NHSL1: variants seen among roughly 807,000 people sequenced by gnomAD.
The protein encoded by NHSL1 is NHS-like protein 1.
NHSL1 carries 48 observed loss-of-function variants against 95.0 expected under a neutral mutation model. The observed-to-expected ratio is 0.51, with a 90% CI of 0.40 to 0.64. The LOEUF is 0.64. Among genes scored for constraint, NHSL1 ranks in the 30% least tolerant of loss-of-function variants. NHSL1 has a pLI of 0.00. For missense variants in NHSL1, 1,971 were observed against 2,077.7 expected, an observed-to-expected ratio of 0.95 and a Z score of 1.00; for synonymous variants, 783 against 833.9, an observed-to-expected ratio of 0.94 and a Z score of 1.05.
chr6:138,579,231 T>G (rs896438176), intron 1 of NHSL1, among the ~76,000 whole-genome samples: 2 of 152,236 alleles, frequency 1.3e-5, no homozygotes, highest in East Asian at 3.8e-4. Flanking sequence ...TGGGGACCCC[T>G]GCCTTATAAT....
chr6:138,571,141 G>A (rs908756119), intron 1 of NHSL1, among the ~76,000 whole-genome samples: 6 of 151,820 alleles, frequency 4.0e-5, no homozygotes, highest in African/African-American at 1.5e-4. Context: ...GTTAAAAGAA[G>A]GAAAGGAGAA....
rs1562250626 is a variant in NHSL1 at position 138,424,967 on chromosome 6, C to T, written c.4086-151G>A. 6.6e-6 allele frequency among the ~76,000 whole-genome samples: 1 copy of T among 152,088 alleles called. No homozygotes were observed. Among genetic ancestry groups the T allele is most frequent in the Non-Finnish European group, 1.5e-5 (1 of 68,024 alleles). On this transcript the variant is annotated intron_variant, in intron 7 of 7. Transcript: ENST00000343505. The surrounding 1 kb of genome is among the most constrained non-coding windows in gnomAD (Gnocchi z 5.9). The stretch of plus-strand genomic sequence containing the variant: ...ATTTTTGACTGGGCACAGTGGCTCA[C>T]ACCTGTAATCCCAGCATTTTGGGAG...
chr6:138,649,192 C>T (rs537165418), intron 1 of NHSL1, among the ~76,000 whole-genome samples: 2 of 152,184 alleles, frequency 1.3e-5, no homozygotes, highest in South Asian at 2.1e-4. Flanking sequence ...AACCTTTCAT[C>T]CAGAACCTCT....
intron 7 of NHSL1, among the ~76,000 whole-genome samples, chr6:138,426,024 A>G (rs1242668622): frequency 6.6e-6 from 1 of 152,200 alleles, no homozygotes; most frequent in Non-Finnish European, 1.5e-5. Context: ...TCACTGTTCA[A>G]TGTGCTTTCC....
At chr6:138,564,201 T>A (rs1391141670) in intron 1 of NHSL1, among the ~76,000 whole-genome samples, 1 of 152,066 alleles carries the variant, frequency 6.6e-6, no homozygotes, top group African/African-American at 2.4e-5. Context: ...AAGTCCAGAG[T>A]TGAGAGCACT....
In NHSL1 at chr6:138,464,715, C is replaced by CTTT. The variant is rs1157342436; in HGVS notation, c.339+8588_339+8590dup. 3.4e-4 allele frequency among the ~76,000 whole-genome samples: 41 copies of CTTT among 118,962 alleles called. 1 individual carries two copies. Among genetic ancestry groups the CTTT allele is most frequent in the African/African-American group, 8.3e-4 (24 of 28,838 alleles). The allele number at this position is 118,962 out of a possible 152,430, so 78.0% of individuals were successfully genotyped here. On this transcript the variant is annotated intron_variant, in intron 3 of 7. Coordinates refer to ENST00000343505, the MANE Select transcript of NHSL1 (RefSeq NM_001144060.2). ...TTCTCTTCACTTTTTTTTTTCTTTT[C>CTTT]TTTTTTTTTTTTTTTGAGACAGAGT...
intron 1 of NHSL1, among the ~76,000 whole-genome samples, chr6:138,667,776 C>G (rs959921127): frequency 6.6e-6 from 1 of 152,224 alleles, no homozygotes; most frequent in Non-Finnish European, 1.5e-5. Context: ...TATTTTCTCA[C>G]TAACATTAAT....
In NHSL1 at chr6:138,453,236, A is replaced by G. The variant is rs951164972; in HGVS notation, c.340-6043T>C. Among the ~76,000 whole-genome samples the G allele has an allele frequency of 2.0e-5, 3 of 152,100 alleles. No homozygotes were observed. In the East Asian group the frequency reaches 5.8e-4, roughly 29 times the overall value. On this transcript the variant is annotated intron_variant, in intron 3 of 7. Transcript: ENST00000343505. ...GTAATCCGCCCGCCTCAGCCTCCAA[A>G]GTGTTGGGATTACAAGCGTGAGCCA...
At chr6:138,428,419 G>C (rs1324201179) in intron 7 of NHSL1, among the ~76,000 whole-genome samples, 2 of 152,174 alleles carry the variant, frequency 1.3e-5, no homozygotes, top group Admixed American at 1.3e-4. Flanking sequence ...AGTTTCAAAG[G>C]ATGCATCATT....
intron 1 of NHSL1, among the ~76,000 whole-genome samples, chr6:138,600,250 T>C (rs1415158778): frequency 2.0e-5 from 3 of 152,246 alleles, no homozygotes; most frequent in African/African-American, 7.2e-5. Context: ...TCTTTTCTTT[T>C]CGAGACCAGT....
intron 1 of NHSL1, among the ~76,000 whole-genome samples, chr6:138,630,471 C>T (rs985837966): frequency 2.6e-5 from 4 of 152,066 alleles, no homozygotes; most frequent in South Asian, 2.1e-4. Flanking sequence ...CCGCAACCTC[C>T]GCCTCCCTGA....
chr6:138,557,711 T>C (rs1783245653), intron 1 of NHSL1, among the ~76,000 whole-genome samples: 1 of 152,126 alleles, frequency 6.6e-6, no homozygotes. Flanking sequence ...TCATGAAGAG[T>C]GTGGGACTAA....
intron 7 of NHSL1, among the ~76,000 whole-genome samples, chr6:138,428,122 C>A (rs899837778): frequency 1.3e-5 from 2 of 152,172 alleles, no homozygotes; most frequent in Non-Finnish European, 2.9e-5. Context: ...TTTGGACCCA[C>A]AACAGTTGGG....
At chr6:138,447,281 G>A in intron 3 of NHSL1, 88 bp from the exon 4 acceptor site, 1 of 1,177,324 alleles carries the variant, frequency 8.5e-7, no homozygotes, top group Admixed American at 2.7e-5. Flanking sequence ...AAAAAAATTG[G>A]ACTGGTTTAA....
chr6:138,506,843 T>C (rs946174383), intron 1 of NHSL1, among the ~76,000 whole-genome samples: 7 of 152,216 alleles, frequency 4.6e-5, no homozygotes, highest in African/African-American at 1.7e-4. Flanking sequence ...CTTTATTTGA[T>C]ATGGCAGATT....
chr6:138,625,585 A>G (rs1784726008), intron 1 of NHSL1, among the ~76,000 whole-genome samples: 1 of 151,640 alleles, frequency 6.6e-6, no homozygotes, highest in Admixed American at 6.6e-5. Context: ...GAAGAATAGT[A>G]TAGTGCCATG....
At chr6:138,683,126 A>G (rs1785535037) in intron 1 of NHSL1, among the ~76,000 whole-genome samples, 1 of 152,104 alleles carries the variant, frequency 6.6e-6, no homozygotes, top group Non-Finnish European at 1.5e-5. Context: ...ATGTCCATAA[A>G]AAGGCCCCGG....
At chr6:138,596,959 G>T (rs903399093) in intron 1 of NHSL1, among the ~76,000 whole-genome samples, 1 of 152,068 alleles carries the variant, frequency 6.6e-6, no homozygotes, top group Non-Finnish European at 1.5e-5. Context: ...AGGAGATTGA[G>T]ATCAGCCTGG....
upstream of NHSL1, among the ~76,000 whole-genome samples, chr6:138,548,240 T>G (rs185631076): frequency 4.2e-4 from 64 of 152,150 alleles, no homozygotes; most frequent in African/African-American, 1.4e-3. Flanking sequence ...CACCTCAGCC[T>G]CCCAAAATGC....
Sources: allele counts gnomAD v4.1 joint callset (sites outside exome capture counted in the v4.1 genomes callset), GRCh38; gene constraint gnomAD v4.1.1; non-coding constraint Gnocchi (gnomAD v3.1); transcripts MANE v1.5; gene names NCBI Gene and HGNC (gene_info 2026-07-23, HGNC 2026-07-21).